CASP10: variants seen among roughly 807,000 people sequenced by gnomAD.
The protein encoded by CASP10 is caspase-10.
Under a neutral mutation model 48.5 loss-of-function variants are expected in CASP10, and 41 were observed. That is an observed-to-expected ratio of 0.85 (90% CI 0.66 to 1.10). The LOEUF is 1.10. Among genes scored for constraint, CASP10 ranks in the 50% least tolerant of loss-of-function variants. The pLI, the probability that CASP10 is intolerant of heterozygous loss-of-function variation, is 0.00. For missense variants in CASP10, 614 were observed against 614.5 expected, an observed-to-expected ratio of 1.00 and a Z score of 0.01; for synonymous variants, 232 against 238.4, an observed-to-expected ratio of 0.97 and a Z score of 0.25.
At chr2:201,223,892 T>G (rs998992410), downstream of CASP10, among the ~76,000 whole-genome samples, 13 of 152,114 alleles carry the variant, frequency 8.5e-5, no homozygotes, top group Non-Finnish European at 1.3e-4. Context: ...CTGCCTCCTG[T>G]GCTCAACTGA....
intron 4 of CASP10, among the ~76,000 whole-genome samples, chr2:201,194,757 T>C (rs1944730250): frequency 6.6e-6 from 1 of 152,138 alleles, no homozygotes; most frequent in African/African-American, 2.4e-5. Flanking sequence ...CCTCAGTGAG[T>C]CTTGAAGACT....
At chr2:201,202,718 C>T (rs1945061739) in intron 5 of CASP10, among the ~76,000 whole-genome samples, 2 of 152,314 alleles carry the variant, frequency 1.3e-5, no homozygotes, top group African/African-American at 4.8e-5. Context: ...GCTGGGGGAA[C>T]AGCTCTTCCC....
intron 4 of CASP10, 100 bp downstream of exon 4, chr2:201,193,219 T>A: frequency 6.1e-6 from 8 of 1,314,334 alleles, no homozygotes; most frequent in Non-Finnish European, 8.6e-6. Context: ...TTTGTTTTGT[T>A]TTGAGGCAGA....
At chr2:201,203,586 C>T (rs1945099407) in intron 5 of CASP10, 144 bp from the exon 6 acceptor site, 1 of 741,850 alleles carries the variant, frequency 1.3e-6, no homozygotes, top group South Asian at 1.5e-5. Context: ...GGATTACAGG[C>T]ATGAGCCACC....
At chr2:201,193,365 G>A (rs1944677834) in intron 4 of CASP10, 6 of 383,174 alleles carry the variant, frequency 1.6e-5, no homozygotes, top group African/African-American at 4.2e-5. Flanking sequence ...CTGCCACCAC[G>A]CCTGGCTAAT....
At chr2:201,199,027 C>T (rs1944916761) in intron 5 of CASP10, among the ~76,000 whole-genome samples, 1 of 151,802 alleles carries the variant, frequency 6.6e-6, no homozygotes, top group Non-Finnish European at 1.5e-5. Context: ...GATGTTTTAC[C>T]CCATTTGCTT....
intron 7 of CASP10, among the ~76,000 whole-genome samples, chr2:201,207,210 G>C (rs1156952070): frequency 2.6e-5 from 4 of 152,182 alleles, no homozygotes; most frequent in Non-Finnish European, 4.4e-5. Context: ...ATTTTATTCA[G>C]ATCACAATTG....
chr2:201,192,733 G>A (rs992481527), intron 3 of CASP10, among the ~76,000 whole-genome samples: 1 of 152,136 alleles, frequency 6.6e-6, no homozygotes, highest in Non-Finnish European at 1.5e-5. Flanking sequence ...TTGTTGTGCT[G>A]TTAATATACA....
intron 3 of CASP10, 152 bp downstream of exon 3, chr2:201,187,951 A>C (rs1944473155): frequency 1.4e-6 from 1 of 697,718 alleles, no homozygotes; most frequent in African/African-American, 1.8e-5. Flanking sequence ...GGATGAGCCT[A>C]GATTCTGGTC....
At chr2:201,207,471 A>C (rs1267618438) in intron 7 of CASP10, among the ~76,000 whole-genome samples, 1 of 150,916 alleles carries the variant, frequency 6.6e-6, no homozygotes, top group Non-Finnish European at 1.5e-5. Flanking sequence ...AAATACAAAA[A>C]TTATCGGCTG....
intron 3 of CASP10, among the ~76,000 whole-genome samples, chr2:201,188,333 C>G (rs1032523348): frequency 6.6e-6 from 1 of 152,116 alleles, no homozygotes; most frequent in Non-Finnish European, 1.5e-5. Context: ...GCATGCACCA[C>G]CATGCCCAGC....
chr2:201,199,243 A>G (rs903795685), intron 5 of CASP10, among the ~76,000 whole-genome samples: 1 of 152,232 alleles, frequency 6.6e-6, no homozygotes, highest in African/African-American at 2.4e-5. Context: ...TTATGTTAAT[A>G]TAATACTTTT....
chr2:201,186,450 T>C, intron 2 of CASP10: 1 of 365,260 alleles, frequency 2.7e-6, no homozygotes, highest in Admixed American at 4.1e-5. Flanking sequence ...TTCTCCCTCC[T>C]GGGATCCACT....
At chr2:201,195,619 T>C (rs1944762559) in intron 4 of CASP10, among the ~76,000 whole-genome samples, 1 of 152,162 alleles carries the variant, frequency 6.6e-6, no homozygotes, top group Admixed American at 6.6e-5. Context: ...ACTGGCTTTA[T>C]TTAAGGACCA....
At chr2:201,209,607 T>C (rs752032397) in intron 9 of CASP10, 45 bp downstream of exon 9, 1 of 1,546,480 alleles carries the variant, frequency 6.5e-7, no homozygotes, top group Admixed American at 1.9e-5. Context: ...ATTAGTTTTA[T>C]TTATTTTTTA....
At chr2:201,227,595 T>C (rs1398255636) in intron 9 of CASP10, among the ~76,000 whole-genome samples, 3 of 152,128 alleles carry the variant, frequency 2.0e-5, no homozygotes, top group Admixed American at 2.0e-4. Flanking sequence ...CTCGCTCTGT[T>C]GCCCAGGCTG....
In CASP10 at chr2:201,219,689, T is replaced by C; in HGVS notation, c.*1948T>C. ...GCTTTCTTCATTAAGATTTTGAGCA[T>C]TTTTACGTACTTGAGCTTTTTTTTT... On this transcript the variant is annotated 3_prime_UTR_variant, in exon 10 of 10. Coordinates refer to ENST00000286186, the MANE Select transcript of CASP10 (RefSeq NM_032977.4). 1.0e-6 allele frequency: 1 copy of C among 985,140 alleles called. No homozygotes were observed. The highest frequency in any genetic ancestry group is 1.2e-6 in the Non-Finnish European group (1 of 829,856). The allele number at this position is 985,140 out of a possible 1,614,324, so 61.0% of individuals were successfully genotyped here.
chr2:201,209,003 G>C, intron 8 of CASP10, 67 bp from the exon 9 acceptor site: 5 of 1,545,662 alleles, frequency 3.2e-6, no homozygotes, highest in Non-Finnish European at 4.4e-6. Context: ...ATTTTGTTTT[G>C]CATCATTTTA....
intron 3 of CASP10, 109 bp from the exon 4 acceptor site, chr2:201,192,875 T>C: frequency 9.0e-7 from 1 of 1,109,026 alleles, no homozygotes; most frequent in Non-Finnish European, 1.4e-6. Context: ...GATGCTGTTA[T>C]ATCTTATTTA....
Sources: gnomAD v4.1 joint callset for allele counts (sites outside exome capture counted in the v4.1 genomes callset) on GRCh38, gnomAD v4.1.1 for gene constraint, MANE v1.5 for transcripts, NCBI Gene and HGNC (gene_info 2026-07-23, HGNC 2026-07-21) for gene names.